KDM6A: variants seen among roughly 807,000 people sequenced by gnomAD.
KDM6A encodes the protein lysine demethylase 6A, also known as lysine-specific demethylase 6A.
KDM6A carries 11 observed loss-of-function variants against 117.6 expected under a neutral mutation model. The observed-to-expected ratio is 0.09, with a 90% confidence interval of 0.06 to 0.15. KDM6A has a LOEUF of 0.15. Ranked by LOEUF, KDM6A falls within the 10% of genes least tolerant of loss-of-function variation. The probability of loss-of-function intolerance (pLI) is 1.00; values close to 1 mark genes in which losing one functional copy is unlikely to be tolerated. For synonymous variants in KDM6A, 384 were observed against 396.1 expected (o/e 0.97, Z 0.36); for missense variants, 799 against 1,077.3 (o/e 0.74, Z 3.62).
At chrX:45,062,809 A>G (rs2044359692) in intron 16 of KDM6A, 61 bp downstream of exon 16, 5 of 722,875 alleles carry the variant, frequency 6.9e-6, no homozygotes, top group Non-Finnish European at 1.1e-5. Flanking sequence ...TATTGACTCT[A>G]ATGTCATTTT....
At chrX:45,044,999 G>T (rs761234336) in intron 8 of KDM6A, among the ~76,000 whole-genome samples, 4 of 110,845 alleles carry the variant, frequency 3.6e-5, no homozygotes, top group South Asian at 3.8e-4. Flanking sequence ...ACGAATCCAA[G>T]AACTCTAAAT....
chrX:45,018,683 T>C (rs1237027312), intron 5 of KDM6A, among the ~76,000 whole-genome samples: 30 of 111,829 alleles, frequency 2.7e-4, no homozygotes, highest in African/African-American at 9.7e-4. Flanking sequence ...CCCTTTGTTA[T>C]ACCTTTTTCC....
intron 2 of KDM6A, among the ~76,000 whole-genome samples, chrX:44,950,369 A>G (rs2147099830): frequency 8.9e-6 from 1 of 111,912 alleles, no homozygotes; most frequent in African/African-American, 3.2e-5. Context: ...AAGTGAAATT[A>G]TCTCTCATAC....
chrX:44,942,038 C>T (rs1010464675), intron 2 of KDM6A, among the ~76,000 whole-genome samples: 1 of 100,654 alleles, frequency 9.9e-6, no homozygotes, highest in Non-Finnish European at 2.0e-5. Context: ...TGTTGAAAGA[C>T]TTTTTTTTTT....
intron 4 of KDM6A, among the ~76,000 whole-genome samples, chrX:45,005,440 G>A (rs974717672): frequency 5.4e-5 from 6 of 111,274 alleles, no homozygotes; most frequent in East Asian, 2.8e-4. Flanking sequence ...GCAGGTCCAT[G>A]CCTCCAACAG....
chrX:44,944,150 G>A (rs2037496047), intron 2 of KDM6A, among the ~76,000 whole-genome samples: 1 of 110,793 alleles, frequency 9.0e-6, no homozygotes, highest in Admixed American at 9.7e-5. Context: ...TCAGGAGTTC[G>A]AGACCAGCCT....
At chrX:45,020,132 AAAAG>A (rs2042115514) in intron 5 of KDM6A, among the ~76,000 whole-genome samples, 1 of 111,808 alleles carries the variant, frequency 8.9e-6, no homozygotes. Context: ...CACATAGTAT[AAAAG>A]ATAAGGTACA....
At chrX:44,907,469 G>GT (rs1491112271) in intron 2 of KDM6A, among the ~76,000 whole-genome samples, 4 of 90,381 alleles carry the variant, frequency 4.4e-5, no homozygotes, top group East Asian at 6.5e-4. Flanking sequence ...GTGTGTGTGT[G>GT]GTTTTTTTTT....
chrX:45,033,044 G>T (rs747887640), intron 6 of KDM6A, among the ~76,000 whole-genome samples: 2 of 111,864 alleles, frequency 1.8e-5, no homozygotes, highest in East Asian at 5.6e-4. Context: ...ATTGAAGGCC[G>T]TTTCTTCTCA....
chrX:44,919,044 A>C, intron 2 of KDM6A, among the ~76,000 whole-genome samples: 1 of 111,848 alleles, frequency 8.9e-6, no homozygotes, highest in Middle Eastern at 4.6e-3. Context: ...GGTGTAGTAT[A>C]ATTTTTAAAA....
intron 8 of KDM6A, among the ~76,000 whole-genome samples, chrX:45,040,157 C>T (rs1406042742): frequency 5.2e-5 from 4 of 76,387 alleles, no homozygotes; most frequent in African/African-American, 2.0e-4. Flanking sequence ...CCCCACCATC[C>T]TCCCGGACGG....
intron 4 of KDM6A, among the ~76,000 whole-genome samples, chrX:44,975,673 A>G (rs2039581676): frequency 8.9e-6 from 1 of 111,963 alleles, no homozygotes; most frequent in African/African-American, 3.2e-5. Context: ...TTTTAACTAT[A>G]CAAATCAGTG....
At chrX:44,923,989 C>A (rs2036147465) in intron 2 of KDM6A, among the ~76,000 whole-genome samples, 1 of 112,151 alleles carries the variant, frequency 8.9e-6, no homozygotes, top group Admixed American at 9.4e-5. Flanking sequence ...TCCCAAAGTG[C>A]TGGGATTACA....
chrX:44,893,574 A>G (rs1003733978), intron 2 of KDM6A, among the ~76,000 whole-genome samples: 1 of 103,694 alleles, frequency 9.6e-6, no homozygotes, highest in Non-Finnish European at 2.0e-5. Context: ...CAGTGGTGCA[A>G]TCTGGGCTCA....
chrX:44,989,446 C>T (rs959018889), intron 4 of KDM6A, among the ~76,000 whole-genome samples: 6 of 108,638 alleles, frequency 5.5e-5, no homozygotes, highest in African/African-American at 2.0e-4. Flanking sequence ...TGAGATGAAC[C>T]CAGTACCTCA....
chrX:44,972,543 AAAG>A (rs2039408046), intron 3 of KDM6A, among the ~76,000 whole-genome samples: 1 of 111,798 alleles, frequency 8.9e-6, no homozygotes, highest in African/African-American at 3.3e-5. Flanking sequence ...AAGTAAAACT[AAAG>A]AAGAGATTTT....
rs1263270235 is a variant in KDM6A, at chrX:44,899,250, TG to T, written c.225+25264del. ...GTGTGTGTGTGTGTGTGTGTGTGTGTGTGTGTGTGTGTGTTTTCCATTGGTA... is the reference window on the plus strand; with the variant it reads ...GTGTGTGTGTGTGTGTGTGTGTGTGTTGTGTGTGTGTGTTTTCCATTGGTA... On this transcript the variant is annotated intron_variant, in intron 2 of 29. Coordinates refer to ENST00000611820, the MANE Select transcript of KDM6A (RefSeq NM_001291415.2). Among the ~76,000 whole-genome samples the T allele has an allele frequency of 5.7e-3, 580 of 101,435 alleles. 4 individuals carry two copies. Among genetic ancestry groups the T allele is most frequent in the African/African-American group, 0.02 (550 of 27,105 alleles). The allele number at this position is 101,435 out of a possible 115,157, so 88.1% of individuals were successfully genotyped here. A position where few individuals can be genotyped will look rare whatever the true frequency, so the allele number is the denominator to read the frequency against.
intron 18 of KDM6A, among the ~76,000 whole-genome samples, chrX:45,072,229 G>A (rs1342649625): frequency 9.0e-6 from 1 of 110,708 alleles, no homozygotes; most frequent in African/African-American, 3.3e-5. Context: ...TTGGGTCCAC[G>A]TTGTTGGCAG....
chrX:45,044,181 T>C (rs2043425179), intron 8 of KDM6A, among the ~76,000 whole-genome samples: 1 of 112,267 alleles, frequency 8.9e-6, no homozygotes, highest in Admixed American at 9.4e-5. Flanking sequence ...CTGTATAATG[T>C]CATATCTCCA....
Sources: gnomAD v4.1 joint callset for allele counts (sites outside exome capture counted in the v4.1 genomes callset) on GRCh38, gnomAD v4.1.1 for gene constraint, MANE v1.5 for transcripts, NCBI Gene and HGNC (gene_info 2026-07-23, HGNC 2026-07-21) for gene names.